SDHB: variants seen among roughly 807,000 people sequenced by gnomAD.
The protein encoded by SDHB is succinate dehydrogenase [ubiquinone] iron-sulfur subunit, mitochondrial.
Under a neutral mutation model 39.7 loss-of-function variants are expected in SDHB, and 21 were observed. The ratio of observed to expected loss-of-function variants is 0.53; its 90% CI spans 0.37 to 0.76. The LOEUF is 0.76. Ranked by LOEUF, SDHB falls within the 30% of genes least tolerant of loss-of-function variation. The pLI, the probability that SDHB is intolerant of heterozygous loss-of-function variation, is 0.00. For synonymous variants in SDHB, 118 were observed against 117.0 expected (o/e 1.01, Z -0.06); for missense variants, 343 against 350.9 (o/e 0.98, Z 0.18).
At chr1:17,019,009 G>A (rs1177599734) in intron 7 of SDHB, 51 bp from the exon 8 acceptor site, 3 of 1,406,496 alleles carry the variant, frequency 2.1e-6, no homozygotes, top group Middle Eastern at 1.8e-4. Context: ...AAACTGAAAG[G>A]GAAAACCCAC....
intron 3 of SDHB, among the ~76,000 whole-genome samples, chr1:17,029,426 G>A (rs973404730): frequency 6.1e-5 from 8 of 131,586 alleles, no homozygotes; most frequent in Admixed American, 3.2e-4. Flanking sequence ...CACCCGTCAA[G>A]CCTATTTTTT....
chr1:17,034,965 C>T (rs1006851748), intron 2 of SDHB, among the ~76,000 whole-genome samples: 1 of 152,150 alleles, frequency 6.6e-6, no homozygotes, highest in Non-Finnish European at 1.5e-5. Flanking sequence ...ATACCACCTG[C>T]CCGCACAAAG....
intron 2 of SDHB, among the ~76,000 whole-genome samples, chr1:17,043,024 C>T (rs1389958124): frequency 1.1e-4 from 14 of 122,814 alleles, no homozygotes; most frequent in Non-Finnish European, 1.9e-4. Context: ...TGCAGTGGCA[C>T]GATCTCGGCT....
chr1:17,026,901 G>A (rs2077994349), intron 5 of SDHB, among the ~76,000 whole-genome samples: 1 of 152,114 alleles, frequency 6.6e-6, no homozygotes, highest in East Asian at 1.9e-4. Flanking sequence ...GAGTAGCTGG[G>A]ACTATCAGAA....
intron 2 of SDHB, among the ~76,000 whole-genome samples, chr1:17,035,877 T>C (rs1371972086): frequency 2.0e-5 from 3 of 151,268 alleles, no homozygotes; most frequent in African/African-American, 7.3e-5. Context: ...AATAAATAAA[T>C]AGATAAATAA....
rs555654641 is a variant in SDHB, at chr1:17,021,398, C to T, written c.765+1210G>A. Among the ~76,000 whole-genome samples the T allele has an allele frequency of 3.9e-5, 6 of 151,996 alleles. No homozygotes were observed. In the East Asian group the frequency reaches 7.7e-4, roughly 20 times the overall value. ...TCCAGGCTGCAGTGAGCTATGATTGCGCCACTGCACCCCAGCCTGGGCAAC... is the reference window on the plus strand; with the variant it reads ...TCCAGGCTGCAGTGAGCTATGATTGTGCCACTGCACCCCAGCCTGGGCAAC... On this transcript the variant is annotated intron_variant, in intron 7 of 7. Coordinates refer to ENST00000375499, the MANE Select transcript of SDHB (RefSeq NM_003000.3).
At chr1:17,026,644 T>A (rs989624067) in intron 5 of SDHB, among the ~76,000 whole-genome samples, 14 of 152,102 alleles carry the variant, frequency 9.2e-5, no homozygotes, top group Non-Finnish European at 2.9e-5. Flanking sequence ...GGATTACAGA[T>A]GAGCCACTGC....
intron 5 of SDHB, among the ~76,000 whole-genome samples, chr1:17,026,224 A>T (rs959086657): frequency 2.0e-5 from 3 of 152,228 alleles, no homozygotes; most frequent in Non-Finnish European, 4.4e-5. Context: ...GGGAGGTAGA[A>T]ACTGAGGAGC....
intron 3 of SDHB, among the ~76,000 whole-genome samples, chr1:17,029,091 CTG>C (rs2078007898): frequency 6.7e-5 from 5 of 74,758 alleles, no homozygotes; most frequent in African/African-American, 1.8e-4. Context: ...AAAAATCAGC[CTG>C]TTTTTTTTTT....
chr1:17,043,823 G>C (rs2078094563), intron 2 of SDHB, among the ~76,000 whole-genome samples: 1 of 152,244 alleles, frequency 6.6e-6, no homozygotes, highest in African/African-American at 2.4e-5. Flanking sequence ...ACAGTCAGCA[G>C]AATGACAGAG....
intron 1 of SDHB, among the ~76,000 whole-genome samples, chr1:17,048,285 C>T (rs896229255): frequency 2.0e-5 from 3 of 152,132 alleles, no homozygotes; most frequent in Non-Finnish European, 4.4e-5. Flanking sequence ...CCGAATTCTC[C>T]GGAGATTCAT....
At chr1:17,035,222 A>G (rs2078044467) in intron 2 of SDHB, among the ~76,000 whole-genome samples, 1 of 152,156 alleles carries the variant, frequency 6.6e-6, no homozygotes, top group African/African-American at 2.4e-5. Flanking sequence ...CTTTTATAAC[A>G]TTATCTATCA....
In SDHB at chr1:17,019,656, G is replaced by A. The variant is rs574486076; in HGVS notation, c.766-698C>T. Among the ~76,000 whole-genome samples the A allele has an allele frequency of 1.1e-4, 16 of 151,708 alleles. No homozygotes were observed. In the South Asian group the frequency reaches 3.1e-3, roughly 30 times the overall value. On this transcript the variant is annotated intron_variant, in intron 7 of 7. Coordinates refer to ENST00000375499, the MANE Select transcript of SDHB (RefSeq NM_003000.3). ...AGTGAAGGTTCCCCTCATTTTAGAAGGATAAGTCTACCCCCCTAAAAAAGT... is the reference window on the plus strand; with the variant it reads ...AGTGAAGGTTCCCCTCATTTTAGAAAGATAAGTCTACCCCCCTAAAAAAGT...
intron 7 of SDHB, among the ~76,000 whole-genome samples, chr1:17,019,623 C>A (rs555183375): frequency 6.6e-6 from 1 of 152,148 alleles, no homozygotes; most frequent in Non-Finnish European, 1.5e-5. Context: ...AAGTACTCAT[C>A]TGACGTTAGT....
intron 5 of SDHB, among the ~76,000 whole-genome samples, chr1:17,027,320 C>T (rs1022627542): frequency 1.3e-5 from 2 of 152,200 alleles, no homozygotes; most frequent in African/African-American, 4.8e-5. Flanking sequence ...GAAAGAATAT[C>T]GATGACTCTG....
At chr1:17,049,157 G>A (rs2078130203) in intron 1 of SDHB, among the ~76,000 whole-genome samples, 1 of 152,056 alleles carries the variant, frequency 6.6e-6, no homozygotes, top group South Asian at 2.1e-4. Flanking sequence ...ACACCATCAT[G>A]TCCAGCTAAT....
Position 17,044,857 on chromosome 1 carries a change from G to A in SDHB, c.104C>T (p.Thr35Ile), listed in dbSNP as rs1331420052. Residue 35 changes from threonine to isoleucine, a missense_variant, in exon 2 of 8, where the codon ACA becomes ATA. Coordinates refer to ENST00000375499, the MANE Select transcript of SDHB (RefSeq NM_003000.3). ...GGCAAATTTCTTGATACGGGGAGCT[G>A]TGGCTGCAGCTGTCTGGGCTCCTCG... ...ASRGAQTAAA[T>I]APRIKKFAIY... is the part of the protein sequence containing the mutation. The A allele has an allele frequency of 6.2e-7, 1 of 1,613,892 alleles. No individual in the cohort carries two copies. Among genetic ancestry groups the A allele is most frequent in the Non-Finnish European group, 8.5e-7 (1 of 1,180,006 alleles).
chr1:17,021,090 C>T (rs1332746814), intron 7 of SDHB, among the ~76,000 whole-genome samples: 1 of 152,248 alleles, frequency 6.6e-6, no homozygotes, highest in East Asian at 1.9e-4. Flanking sequence ...CCCTTCCCTG[C>T]CCACTGGGCA....
At chr1:17,036,276 A>G (rs1419934369) in intron 2 of SDHB, among the ~76,000 whole-genome samples, 1 of 152,078 alleles carries the variant, frequency 6.6e-6, no homozygotes, top group African/African-American at 2.4e-5. Flanking sequence ...TTCTTTCAAC[A>G]ATGTTTTACA....
Sources: allele counts gnomAD v4.1 joint callset (sites outside exome capture counted in the v4.1 genomes callset), GRCh38; gene constraint gnomAD v4.1.1; transcripts MANE v1.5; gene names NCBI Gene and HGNC (gene_info 2026-07-23, HGNC 2026-07-21).